GRIN3A: variants seen among roughly 807,000 people sequenced by gnomAD.
GRIN3A encodes the protein glutamate receptor ionotropic, NMDA 3A.
A neutral mutation model predicts 92.4 loss-of-function variants in GRIN3A; 47 were observed. The ratio of observed to expected loss-of-function variants is 0.51; its 90% confidence interval spans 0.40 to 0.65. The LOEUF (loss-of-function observed/expected upper bound fraction) is 0.65. Among genes scored for constraint, GRIN3A ranks in the 30% least tolerant of loss-of-function variants. GRIN3A has a pLI of 0.00. For synonymous variants in GRIN3A, 527 were observed against 540.6 expected (o/e 0.97, Z 0.35); for missense variants, 1,324 against 1,393.1 (o/e 0.95, Z 0.79).
At chr9:101,705,671 C>T (rs762789970) in intron 1 of GRIN3A, among the ~76,000 whole-genome samples, 2 of 152,126 alleles carry the variant, frequency 1.3e-5, no homozygotes, top group Non-Finnish European at 2.9e-5. Flanking sequence ...AAGCCACACC[C>T]CTGCCACACG....
chr9:101,680,129 A>T (rs1019849958), intron 2 of GRIN3A, among the ~76,000 whole-genome samples: 19 of 152,324 alleles, frequency 1.2e-4, no homozygotes, highest in Non-Finnish European at 2.1e-4. Flanking sequence ...GTATCCTTAT[A>T]GTTAAGGAAA....
intron 1 of GRIN3A, among the ~76,000 whole-genome samples, chr9:101,717,081 CCCCAGGTCAT>C (rs1459458412): frequency 4.6e-5 from 7 of 152,140 alleles, no homozygotes; most frequent in African/African-American, 1.7e-4. Flanking sequence ...GAGACCTCTG[CCCCAGGTCAT>C]TGATTCTCAA....
chr9:101,688,132 A>G (rs1437289106), intron 1 of GRIN3A, among the ~76,000 whole-genome samples: 4 of 152,230 alleles, frequency 2.6e-5, no homozygotes, highest in African/African-American at 9.6e-5. Flanking sequence ...GATTGCTTTT[A>G]AGAGCTTGCT....
chr9:101,703,648 G>A (rs1057192310), intron 1 of GRIN3A, among the ~76,000 whole-genome samples: 2 of 152,124 alleles, frequency 1.3e-5, no homozygotes, highest in African/African-American at 4.8e-5. Flanking sequence ...GTGGCATTTG[G>A]TGGCTGACTT....
intron 1 of GRIN3A, among the ~76,000 whole-genome samples, chr9:101,723,166 A>G (rs1171998865): frequency 6.6e-6 from 1 of 152,208 alleles, no homozygotes; most frequent in Non-Finnish European, 1.5e-5. Flanking sequence ...ACTGACTTCA[A>G]GAATGAAGCC....
At chr9:101,675,427 C>A (rs945265246) in intron 2 of GRIN3A, among the ~76,000 whole-genome samples, 1 of 151,742 alleles carries the variant, frequency 6.6e-6, no homozygotes, top group Non-Finnish European at 1.5e-5. Context: ...ATGTTGACAT[C>A]CTAATTAAAG....
At chr9:101,664,036 C>A (rs1829208807) in intron 3 of GRIN3A, among the ~76,000 whole-genome samples, 1 of 151,834 alleles carries the variant, frequency 6.6e-6, no homozygotes, top group Admixed American at 6.6e-5. Context: ...TTCCAGTGAA[C>A]TTTATGTTCT....
At chr9:101,716,590 C>T (rs1829950844) in intron 1 of GRIN3A, among the ~76,000 whole-genome samples, 1 of 152,062 alleles carries the variant, frequency 6.6e-6, no homozygotes, top group African/African-American at 2.4e-5. Context: ...TCCACCTGTC[C>T]TTTACATTAT....
At chr9:101,707,658 AAC>A (rs1373528405) in intron 1 of GRIN3A, among the ~76,000 whole-genome samples, 1 of 152,194 alleles carries the variant, frequency 6.6e-6, no homozygotes, top group Non-Finnish European at 1.5e-5. Flanking sequence ...TCCCAGTAAT[AAC>A]AGAGACATTT....
chr9:101,732,474 T>C (rs561854937), intron 1 of GRIN3A, among the ~76,000 whole-genome samples: 20 of 152,300 alleles, frequency 1.3e-4, no homozygotes, highest in Admixed American at 7.9e-4. Context: ...AGGTTAAAAG[T>C]TGCTGGTAAT....
chr9:101,637,838 G>A (rs1828805036), intron 3 of GRIN3A, among the ~76,000 whole-genome samples: 1 of 152,134 alleles, frequency 6.6e-6, no homozygotes, highest in South Asian at 2.1e-4. Context: ...AGGCAGGAAG[G>A]TGATTTAGGC....
At chr9:101,606,056 T>G (rs1345766001) in intron 6 of GRIN3A, among the ~76,000 whole-genome samples, 1 of 152,166 alleles carries the variant, frequency 6.6e-6, no homozygotes, top group East Asian at 1.9e-4. Flanking sequence ...GTCATTTAAG[T>G]GGACTTGATT....
intron 1 of GRIN3A, among the ~76,000 whole-genome samples, chr9:101,712,339 C>G (rs1486449954): frequency 1.3e-5 from 2 of 152,162 alleles, no homozygotes; most frequent in Non-Finnish European, 2.9e-5. Flanking sequence ...GACTATCACC[C>G]AGAAGAGCCT....
intron 1 of GRIN3A, among the ~76,000 whole-genome samples, chr9:101,693,267 A>G (rs908904509): frequency 4.5e-5 from 6 of 133,544 alleles, no homozygotes; most frequent in East Asian, 2.0e-4. Flanking sequence ...ATATATATAT[A>G]TATATTGCAC....
At chr9:101,735,009 A>G (rs967932084) in intron 1 of GRIN3A, among the ~76,000 whole-genome samples, 1 of 151,930 alleles carries the variant, frequency 6.6e-6, no homozygotes, top group Non-Finnish European at 1.5e-5. Flanking sequence ...AGGAAGGTCC[A>G]CTTTTCCAGA....
chr9:101,731,800 A>G (rs1195789640), intron 1 of GRIN3A, among the ~76,000 whole-genome samples: 1 of 152,162 alleles, frequency 6.6e-6, no homozygotes, highest in Non-Finnish European at 1.5e-5. Flanking sequence ...GAGTTGGCTT[A>G]CTCTTAGCTC....
chr9:101,671,138 G>A, intron 2 of GRIN3A, 31 bp from the exon 3 acceptor site: 1 of 1,463,616 alleles, frequency 6.8e-7, no homozygotes, highest in Non-Finnish European at 9.6e-7. Context: ...CAAAAAGTAA[G>A]AAAAGCAGTG....
chr9:101,667,957 G>A (rs1272178170), intron 3 of GRIN3A, among the ~76,000 whole-genome samples: 1 of 152,018 alleles, frequency 6.6e-6, no homozygotes, highest in African/African-American at 2.4e-5. Context: ...AGGAAACTTA[G>A]TGGAAATTCA....
At chr9:101,697,748 G>A (rs554977468) in intron 1 of GRIN3A, among the ~76,000 whole-genome samples, 1 of 152,254 alleles carries the variant, frequency 6.6e-6, no homozygotes, top group South Asian at 2.1e-4. Context: ...TCAAACTCTT[G>A]TACAGTTTAT....
Sources: gnomAD v4.1 joint callset for allele counts (sites outside exome capture counted in the v4.1 genomes callset) on GRCh38, gnomAD v4.1.1 for gene constraint, MANE v1.5 for transcripts, NCBI Gene and HGNC (gene_info 2026-07-23, HGNC 2026-07-21) for gene names.